The following RPS6KA2 variants were observed in gnomAD, a reference collection of about 807,000 sequenced individuals.
RPS6KA2 encodes the protein ribosomal protein S6 kinase alpha-2.
RPS6KA2 carries 42 observed loss-of-function variants against 91.8 expected under a neutral mutation model. The ratio of observed to expected loss-of-function variants is 0.46; its 90% CI spans 0.36 to 0.59. The LOEUF is 0.59. Among genes scored for constraint, RPS6KA2 ranks in the 20% least tolerant of loss-of-function variants. The pLI, the probability that RPS6KA2 is intolerant of heterozygous loss-of-function variation, is 0.00. For missense variants in RPS6KA2, 798 were observed against 978.5 expected (o/e 0.82, Z 2.46); for synonymous variants, 414 against 393.6 (o/e 1.05, Z -0.61).
intron 4 of RPS6KA2, 26 bp downstream of exon 4, chr6:166,510,251 T>A (rs1782413882): frequency 4.8e-6 from 7 of 1,460,902 alleles, no homozygotes; most frequent in Non-Finnish European, 6.7e-6. Context: ...GGGTCCTCTT[T>A]AAAGTGTCAT....
At chr6:166,587,666 T>TTTTATATA (rs10651328) in intron 1 of RPS6KA2, among the ~76,000 whole-genome samples, 413 of 148,992 alleles carry the variant, frequency 2.8e-3, no homozygotes, top group East Asian at 6.6e-3. Context: ...AAAATAAATA[T>TTTTATATA]TATATATATA....
At chr6:166,744,696 G>C (rs1463429781) in intron 2 of RPS6KA2, among the ~76,000 whole-genome samples, 1 of 152,216 alleles carries the variant, frequency 6.6e-6, no homozygotes, top group South Asian at 2.1e-4. Flanking sequence ...GGCCCCAGGA[G>C]AGGAGGAGAT....
intron 2 of RPS6KA2, among the ~76,000 whole-genome samples, chr6:166,778,324 T>G (rs2128609423): frequency 6.6e-6 from 1 of 152,268 alleles, no homozygotes; most frequent in Non-Finnish European, 1.5e-5. Flanking sequence ...ACCATATATA[T>G]CAATACATTC....
intron 2 of RPS6KA2, among the ~76,000 whole-genome samples, chr6:166,717,746 A>G (rs764379947): frequency 6.6e-6 from 1 of 152,186 alleles, no homozygotes; most frequent in Non-Finnish European, 1.5e-5. Context: ...AAATTTTACC[A>G]GGGGTGCCTC....
chr6:166,770,844 C>G lies in RPS6KA2; in HGVS notation c.123+87356G>C. On this transcript the variant is annotated intron_variant, in intron 2 of 21. Transcript: ENST00000503859. The surrounding 1 kb of genome is among the most constrained non-coding windows in gnomAD (Gnocchi z 5.1). ...CACATAAGCATGGAAAAAAACAAAC[C>G]CACAGGAACGCTTCTTACCTCTACG... 3 of 1,578,600 alleles carry G rather than the reference C, an allele frequency of 1.9e-6. No individual in the cohort carries two copies. Among genetic ancestry groups the G allele is most frequent in the Non-Finnish European group, 2.6e-6 (3 of 1,174,240 alleles).
chr6:166,531,395 A>C (rs1165709230), intron 2 of RPS6KA2, 82 bp from the exon 3 acceptor site: 4 of 1,061,808 alleles, frequency 3.8e-6, no homozygotes, highest in Non-Finnish European at 5.8e-6. Context: ...GGGGATACAC[A>C]AGGAAGTTTA....
intron 2 of RPS6KA2, among the ~76,000 whole-genome samples, chr6:166,671,635 C>T (rs1583005148): frequency 1.3e-5 from 2 of 152,144 alleles, no homozygotes; most frequent in Non-Finnish European, 2.9e-5. Flanking sequence ...AGCGAGCTGC[C>T]GTGGGTAATT....
intron 10 of RPS6KA2, among the ~76,000 whole-genome samples, chr6:166,478,734 G>A (rs1781075515): frequency 6.6e-6 from 1 of 152,212 alleles, no homozygotes; most frequent in African/African-American, 2.4e-5. Flanking sequence ...AGGCCGGGGG[G>A]TTGGACACCC....
At chr6:166,846,048 A>T (rs1780597075) in intron 2 of RPS6KA2, among the ~76,000 whole-genome samples, 1 of 152,186 alleles carries the variant, frequency 6.6e-6, no homozygotes, top group South Asian at 2.1e-4. Context: ...TACCATAGAA[A>T]TGCAAAAGAT....
intron 2 of RPS6KA2, among the ~76,000 whole-genome samples, chr6:166,851,446 G>T (rs1780741858): frequency 6.6e-6 from 1 of 152,170 alleles, no homozygotes; most frequent in African/African-American, 2.4e-5. Flanking sequence ...TGGAGAACCG[G>T]CGTTTTCTTT....
chr6:166,741,278 G>A (rs1790806657), intron 2 of RPS6KA2, among the ~76,000 whole-genome samples: 2 of 152,194 alleles, frequency 1.3e-5, no homozygotes, highest in Admixed American at 6.5e-5. Context: ...AGTGGATGGC[G>A]TTGGTGGGAA....
At chr6:166,506,896 T>C (rs1782246900) in intron 5 of RPS6KA2, among the ~76,000 whole-genome samples, 1 of 152,142 alleles carries the variant, frequency 6.6e-6, no homozygotes, top group South Asian at 2.1e-4. Context: ...AGCCCGGCAC[T>C]GGCACTGCCA....
chr6:166,527,304 G>A (rs1424290495), intron 3 of RPS6KA2, among the ~76,000 whole-genome samples: 2 of 152,140 alleles, frequency 1.3e-5, no homozygotes. Context: ...ACGCTTGAAG[G>A]AGAAAAGGAG....
At chr6:166,847,765 T>C (rs1780642673) in intron 2 of RPS6KA2, among the ~76,000 whole-genome samples, 1 of 152,136 alleles carries the variant, frequency 6.6e-6, no homozygotes, top group African/African-American at 2.4e-5. Flanking sequence ...TTACTCAAGA[T>C]GGATCAAAGA....
At chr6:166,556,222 C>T (rs1784173420) in intron 1 of RPS6KA2, among the ~76,000 whole-genome samples, 1 of 152,174 alleles carries the variant, frequency 6.6e-6, no homozygotes, top group Non-Finnish European at 1.5e-5. Flanking sequence ...TTGTTCCAGG[C>T]CCTACCTGTT....
intron 1 of RPS6KA2, chr6:166,586,250 G>T (rs1345836396): frequency 1.4e-5 from 23 of 1,595,886 alleles, no homozygotes; most frequent in East Asian, 6.7e-5. Flanking sequence ...TGGATCGATT[G>T]TCACTTGGCC....
At chr6:166,681,023 T>G (rs755181046) in intron 2 of RPS6KA2, among the ~76,000 whole-genome samples, 13 of 152,184 alleles carry the variant, frequency 8.5e-5, no homozygotes, top group Non-Finnish European at 1.8e-4. Context: ...CGCTTGTCTC[T>G]CCCATATCTT....
intron 2 of RPS6KA2, among the ~76,000 whole-genome samples, chr6:166,676,463 T>C (rs1788623307): frequency 2.6e-5 from 4 of 152,188 alleles, no homozygotes; most frequent in African/African-American, 7.2e-5. Flanking sequence ...AAGTCCACCC[T>C]GTGATTCCAC....
chr6:166,566,899 C>G (rs1784521541), intron 1 of RPS6KA2, among the ~76,000 whole-genome samples: 1 of 152,220 alleles, frequency 6.6e-6, no homozygotes, highest in Admixed American at 6.5e-5. Context: ...GTGGCAGGAT[C>G]ACAGAAAGCA....
Sources: allele counts gnomAD v4.1 joint callset (sites outside exome capture counted in the v4.1 genomes callset), GRCh38; gene constraint gnomAD v4.1.1; non-coding constraint Gnocchi (gnomAD v3.1); transcripts MANE v1.5; gene names NCBI Gene and HGNC (gene_info 2026-07-23, HGNC 2026-07-21).